Variants in MIER3 observed in about 807,000 individuals in gnomAD.
MIER3 encodes the protein mesoderm induction early response protein 3.
Under a neutral mutation model 63.2 loss-of-function variants are expected in MIER3, and 9 were observed. The observed-to-expected ratio is 0.14, with a 90% confidence interval of 0.09 to 0.25. The LOEUF is 0.25. Among genes scored for constraint, MIER3 ranks in the 10% least tolerant of loss-of-function variants. The pLI, the probability that MIER3 is intolerant of heterozygous loss-of-function variation, is 1.00. For synonymous variants in MIER3, 205 were observed against 224.9 expected, an observed-to-expected ratio of 0.91 and a Z score of 0.79; for missense variants, 512 against 666.2, an observed-to-expected ratio of 0.77 and a Z score of 2.55.
At position 56,923,671 on chromosome 5, in the gene MIER3, C is replaced by T. The variant is rs372162775; in HGVS notation, c.1195+20G>A. ...ATTTTGCAACAAACTGTACTAAATG[C>T]AGAAAGGTCTTCATTTTACCTGTCA... On this transcript the variant is annotated intron_variant, in intron 12 of 12. Coordinates refer to ENST00000381199, the MANE Select transcript of MIER3 (RefSeq NM_001297599.2). 1.2e-6 allele frequency: 2 copies of T among 1,613,968 alleles called. No homozygotes were observed. The highest frequency in any genetic ancestry group is 2.7e-5 in the African/African-American group (2 of 74,926).
In MIER3 at chr5:56,950,666, A is replaced by G; in HGVS notation, c.10-14T>C. On this transcript the variant is annotated splice_polypyrimidine_tract_variant and intron_variant, in intron 1 of 12. Transcript: ENST00000381199. Reference sequence around the variant, plus strand: ...TCCAAAAGAAGCCTAGGAGAGAGAGAAGAAAACGTGAGGTTAGATCGCACA... The same window carrying G: ...TCCAAAAGAAGCCTAGGAGAGAGAGGAGAAAACGTGAGGTTAGATCGCACA... 1.2e-6 allele frequency: 2 copies of G among 1,613,368 alleles called. No individual in the cohort carries two copies. The highest frequency in any genetic ancestry group is 1.7e-6 in the Non-Finnish European group (2 of 1,179,590).
At chr5:56,948,708 A>C (rs1019260995) in intron 2 of MIER3, among the ~76,000 whole-genome samples, 4 of 152,214 alleles carry the variant, frequency 2.6e-5, no homozygotes, top group Non-Finnish European at 4.4e-5. Context: ...AAGAATATTT[A>C]TTAATTAGCT....
intron 1 of MIER3, among the ~76,000 whole-genome samples, 153 bp from the exon 2 acceptor site, chr5:56,950,805 T>G (rs1750997451): frequency 6.6e-6 from 1 of 152,070 alleles, no homozygotes; most frequent in Non-Finnish European, 1.5e-5. Flanking sequence ...CCCGGCCCCT[T>G]TCGGGCCCCC....
At chr5:56,936,934 A>G (rs1750466810) in intron 5 of MIER3, 1 of 152,220 alleles carries the variant, frequency 6.6e-6, no homozygotes, top group African/African-American at 2.4e-5. Flanking sequence ...GGAGAGCAGG[A>G]GCCTTTTAAT....
chr5:56,948,175 A>C (rs758423238), intron 2 of MIER3, among the ~76,000 whole-genome samples: 1 of 152,212 alleles, frequency 6.6e-6, no homozygotes, highest in Non-Finnish European at 1.5e-5. Context: ...AACTGGGCCA[A>C]AGATTTTTCA....
At chr5:56,937,982 T>A (rs1034149014) in intron 4 of MIER3, among the ~76,000 whole-genome samples, 11 of 152,054 alleles carry the variant, frequency 7.2e-5, no homozygotes, top group Admixed American at 2.0e-4. Flanking sequence ...TAATTTTTAG[T>A]GAATTTACAA....
chr5:56,931,484 GT>G (rs1750265069), intron 8 of MIER3, among the ~76,000 whole-genome samples: 1 of 151,876 alleles, frequency 6.6e-6, no homozygotes, highest in Middle Eastern at 3.2e-3. Context: ...ACATCACTGT[GT>G]ACCTAAATAT....
chr5:56,935,374 A>C (rs1294937486), intron 7 of MIER3, 54 bp downstream of exon 7: 25 of 1,329,196 alleles, frequency 1.9e-5, no homozygotes, highest in Non-Finnish European at 2.5e-5. Context: ...AAATACACTT[A>C]TCAAGTGGTA....
intron 3 of MIER3, among the ~76,000 whole-genome samples, chr5:56,940,410 A>C (rs1376280615): frequency 7.9e-5 from 12 of 152,254 alleles, no homozygotes; most frequent in Non-Finnish European, 1.2e-4. Context: ...TGACCTGAGA[A>C]GAGCCAGTGA....
chr5:56,933,546 G>C, intron 7 of MIER3, 148 bp from the exon 8 acceptor site: 1 of 713,538 alleles, frequency 1.4e-6, no homozygotes. Flanking sequence ...CCGTTAAGTA[G>C]GGCCTTTCAC....
intron 2 of MIER3, among the ~76,000 whole-genome samples, chr5:56,948,464 G>A (rs111932730): frequency 0.081 from 12,340 of 152,218 alleles, 530 homozygotes; most frequent in East Asian, 0.14. Flanking sequence ...AGGAGTTCCA[G>A]ACCAGCCTGG....
chr5:56,927,971 A>G (rs1750077561), intron 10 of MIER3: 1 of 149,546 alleles, frequency 6.7e-6, no homozygotes, highest in South Asian at 2.1e-4. Context: ...GCTACAGTAT[A>G]GAGTCTTTTC....
intron 1 of MIER3, 142 bp from the exon 2 acceptor site, chr5:56,950,794 T>A: frequency 1.1e-6 from 1 of 891,976 alleles, no homozygotes; most frequent in Non-Finnish European, 1.8e-6. Flanking sequence ...CTCGAATCGC[T>A]CCCGGCCCCT....
chr5:56,922,022 A>T lies in MIER3; in HGVS notation c.*1106T>A, dbSNP rs1479850138. On this transcript the variant is annotated 3_prime_UTR_variant, in exon 13 of 13. Coordinates refer to ENST00000381199, the MANE Select transcript of MIER3 (RefSeq NM_001297599.2). ...AAGTGGTAATGTACCATTCTATTTC[A>T]GATAGGAACTCACATTATTCTTGCC... 12 of 152,648 alleles carry T rather than the reference A, an allele frequency of 7.9e-5. No individual in the cohort carries two copies. Among genetic ancestry groups the T allele is most frequent in the Non-Finnish European group, 1.5e-4 (10 of 68,036 alleles). 9.5% of individuals were successfully genotyped at this position (152,648 alleles called of 1,614,324 possible). A position where few individuals can be genotyped will look rare whatever the true frequency, so the allele number is the denominator to read the frequency against.
intron 3 of MIER3, among the ~76,000 whole-genome samples, chr5:56,943,542 C>G (rs2591958): frequency 0.31 from 46,373 of 151,920 alleles, 7,537 homozygotes; most frequent in East Asian, 0.54. Context: ...TGTTGAGGGA[C>G]AAGATGACCA....
At position 56,941,108 on chromosome 5, in the gene MIER3, T is replaced by A. The variant is rs184391579; in HGVS notation, c.181-2091A>T. 5 of 985,444 alleles carry A rather than the reference T, an allele frequency of 5.1e-6. No homozygotes were observed. In the East Asian group the frequency reaches 5.7e-4, roughly 112 times the overall value. The allele number at this position is 985,444 out of a possible 1,614,324, so 61.0% of individuals were successfully genotyped here. A position where few individuals can be genotyped will look rare whatever the true frequency, so the allele number is the denominator to read the frequency against. ...CATACAAATGAAATTTACTGAAGAA[T>A]CCCTGCTCACAAGGAATTCAGTCTT... On this transcript the variant is annotated intron_variant, in intron 3 of 12. Transcript: ENST00000381199.
chr5:56,946,835 A>T, intron 3 of MIER3, 91 bp downstream of exon 3: 4 of 984,668 alleles, frequency 4.1e-6, no homozygotes, highest in African/African-American at 1.7e-5. Context: ...AAGGATTATG[A>T]TCCTATTTTT....
At chr5:56,942,757 G>T (rs1750690569) in intron 3 of MIER3, among the ~76,000 whole-genome samples, 1 of 152,210 alleles carries the variant, frequency 6.6e-6, no homozygotes, top group Admixed American at 6.5e-5. Context: ...GCAGAAACAA[G>T]TATGGATAAT....
rs1749608698 is a variant in MIER3, at chr5:56,920,313, A to T, written c.*2815T>A. On this transcript the variant is annotated 3_prime_UTR_variant, in exon 13 of 13. Coordinates refer to ENST00000381199, the MANE Select transcript of MIER3 (RefSeq NM_001297599.2). ...TACAACTAACAAATGTATTGCTATA[A>T]TCACAGCACCAGTTACACTTCTAAA... The T allele has an allele frequency of 6.6e-6, 1 of 152,572 alleles. No individual in the cohort carries two copies. Among genetic ancestry groups the T allele is most frequent in the African/African-American group, 2.4e-5 (1 of 41,448 alleles). 9.5% of individuals were successfully genotyped at this position (152,572 alleles called of 1,614,324 possible).
Sources: gnomAD v4.1 joint callset for allele counts (sites outside exome capture counted in the v4.1 genomes callset) on GRCh38, gnomAD v4.1.1 for gene constraint, MANE v1.5 for transcripts, NCBI Gene and HGNC (gene_info 2026-07-23, HGNC 2026-07-21) for gene names.